ITGA11: variants seen among roughly 807,000 people sequenced by gnomAD.
ITGA11 encodes the protein integrin alpha-11.
Under a neutral mutation model 141.9 loss-of-function variants are expected in ITGA11, and 97 were observed. The ratio of observed to expected loss-of-function variants is 0.68; its 90% CI spans 0.58 to 0.81. The LOEUF (loss-of-function observed/expected upper bound fraction) is 0.81. Among genes scored for constraint, ITGA11 ranks in the 30% least tolerant of loss-of-function variants. ITGA11 has a pLI of 0.00. For missense variants in ITGA11, 1,387 were observed against 1,559.2 expected (o/e 0.89, Z 1.86); for synonymous variants, 658 against 624.6 (o/e 1.05, Z -0.80).
chr15:68,331,174 C>G, intron 14 of ITGA11, 63 bp from the exon 15 acceptor site: 5 of 1,468,324 alleles, frequency 3.4e-6, no homozygotes, highest in East Asian at 2.4e-5. Context: ...CGGGCGTCCC[C>G]GAGCAGCAGG....
At chr15:68,431,039 C>A (rs1017212041) in intron 1 of ITGA11, among the ~76,000 whole-genome samples, 2 of 152,386 alleles carry the variant, frequency 1.3e-5, no homozygotes, top group South Asian at 2.1e-4. Flanking sequence ...CGCCCACACC[C>A]GGCCAGTAAC....
At position 68,318,116 on chromosome 15, in the gene ITGA11, G is replaced by A. The variant is rs530505246; in HGVS notation, c.2617-753C>T. ...TGTTGGGGAGAGAGAGGAGAGGAATGCTGACCTCACAGCCATGAGCGTTTC... is the reference window on the plus strand; with the variant it reads ...TGTTGGGGAGAGAGAGGAGAGGAATACTGACCTCACAGCCATGAGCGTTTC... On this transcript the variant is annotated intron_variant, in intron 20 of 29. Coordinates refer to ENST00000315757, the MANE Select transcript of ITGA11 (RefSeq NM_001004439.2). 1.4e-3 allele frequency among the ~76,000 whole-genome samples: 214 copies of A among 152,282 alleles called. 9 individuals carry two copies. In the South Asian group the frequency reaches 0.037, roughly 26 times the overall value.
In ITGA11 at chr15:68,312,852, A is replaced by G; in HGVS notation, c.2894T>C (p.Leu965Pro). The change falls in exon 24 of 30, where the codon CTG becomes CCG. Residue 965 changes from leucine to proline, a missense_variant. Physicochemically the swap from Leu to Pro is moderately conservative, Grantham distance 98. Transcript: ENST00000315757. ...ADVLFTRSSS[L>P]SHYEVKPNSS... Reference sequence around the variant, plus strand: ...GTTGGGCTTGACCTCGTAGTGGCTCAGGCTGCTGCTCCTGCGGAGACAGAG... The same window carrying G: ...GTTGGGCTTGACCTCGTAGTGGCTCGGGCTGCTGCTCCTGCGGAGACAGAG... The G allele has an allele frequency of 6.2e-7, 1 of 1,613,074 alleles. No homozygotes were observed. Among genetic ancestry groups the G allele is most frequent in the Non-Finnish European group, 8.5e-7 (1 of 1,179,188 alleles).
Position 68,335,776 on chromosome 15 carries a change from T to G in ITGA11, c.1346A>C (p.Asn449Thr). Residue 449 changes from asparagine to threonine, a missense_variant, in exon 12 of 30, where the codon AAC (asparagine) becomes ACC (threonine). By Grantham distance (65) the Asn-to-Thr change is moderately conservative. Coordinates refer to ENST00000315757, the MANE Select transcript of ITGA11 (RefSeq NM_001004439.2). The surrounding 1 kb of genome is among the most constrained non-coding windows in gnomAD (Gnocchi z 4.9). ...RVYVAGAPRF[N>T]HTGKVILFTM... The stretch of plus-strand genomic sequence containing the variant: ...GAACAGGATGACCTTGCCCGTGTGG[T>G]TGAACCGGGGGGCTCCGGCCACGTA... 1.2e-6 allele frequency: 2 copies of G among 1,613,754 alleles called. No homozygotes were observed. Among genetic ancestry groups the G allele is most frequent in the Non-Finnish European group, 1.7e-6 (2 of 1,179,782 alleles).
intron 4 of ITGA11, among the ~76,000 whole-genome samples, chr15:68,364,331 A>C (rs1895346543): frequency 6.6e-6 from 1 of 151,766 alleles, no homozygotes; most frequent in Non-Finnish European, 1.5e-5. Flanking sequence ...CAGAGATTTG[A>C]CCTCCAGCCC....
chr15:68,421,497 T>C (rs1382574780), intron 1 of ITGA11, among the ~76,000 whole-genome samples: 1 of 152,174 alleles, frequency 6.6e-6, no homozygotes, highest in Non-Finnish European at 1.5e-5. Flanking sequence ...GGCAGTCCTC[T>C]GGCTGCTGGG....
chr15:68,311,265 A>G (rs778436376), intron 25 of ITGA11, 25 bp downstream of exon 25: 2 of 1,496,330 alleles, frequency 1.3e-6, no homozygotes, highest in South Asian at 1.2e-5. Context: ...CCCCTCCCCT[A>G]GCCGGCTCCC....
At position 68,302,265 on chromosome 15, in the gene ITGA11, C is replaced by T. The variant is rs942547864; in HGVS notation, c.*794G>A. On this transcript the variant is annotated 3_prime_UTR_variant, in exon 30 of 30. Coordinates refer to ENST00000315757, the MANE Select transcript of ITGA11 (RefSeq NM_001004439.2). ...CAGGGATTGTGTCATCCACATGCTT[C>T]CCATGAGGTACCTGGGAACAAAAGT... is the stretch of plus-strand genomic sequence containing the variant. The T allele has an allele frequency of 6.6e-6, 1 of 152,246 alleles. No individual in the cohort carries two copies. Among genetic ancestry groups the T allele is most frequent in the African/African-American group, 2.4e-5 (1 of 41,434 alleles). 9.4% of individuals were successfully genotyped at this position (152,246 alleles called of 1,614,324 possible). A position where few individuals can be genotyped will look rare whatever the true frequency, so the allele number is the denominator to read the frequency against.
chr15:68,306,738 T>C (rs1228680763), intron 28 of ITGA11, among the ~76,000 whole-genome samples: 1 of 152,188 alleles, frequency 6.6e-6, no homozygotes, highest in Non-Finnish European at 1.5e-5. Context: ...GCCTCTTTGC[T>C]CTCCAGCATC....
At chr15:68,419,519 G>A (rs1595899965) in intron 1 of ITGA11, among the ~76,000 whole-genome samples, 1 of 152,188 alleles carries the variant, frequency 6.6e-6, no homozygotes, top group East Asian at 1.9e-4. Flanking sequence ...CTGTGGATGA[G>A]GAAGGGCCAA....
intron 1 of ITGA11, among the ~76,000 whole-genome samples, chr15:68,424,052 A>C (rs1366306359): frequency 6.6e-6 from 1 of 152,192 alleles, no homozygotes; most frequent in East Asian, 1.9e-4. Flanking sequence ...ATCCTCAGCC[A>C]AATCAATTTA....
At position 68,321,491 on chromosome 15, in the gene ITGA11, T is replaced by C; in HGVS notation, c.2335A>G (p.Asn779Asp). The C allele has an allele frequency of 6.3e-7, 1 of 1,595,098 alleles. No homozygotes were observed. Among genetic ancestry groups the C allele is most frequent in the African/African-American group, 1.4e-5 (1 of 73,130 alleles). Residue 779 changes from asparagine (N) to aspartate (D), a missense_variant, in exon 19 of 30, where the codon AAC (asparagine) becomes GAC (aspartate). Asn to Asp is a conservative substitution (Grantham distance 23). Transcript: ENST00000315757. This position sits in a 1 kb window ranked among gnomAD's most constrained non-coding sequence, Gnocchi z 4.9. ...CAGTGCTCATCCTCATTGCAGCCGT[T>C]CCAGAAGGGCACCTGGGCCAGGGAG... Reference protein sequence around the residue: ...TTLRVSVPFWNGCNEDEHCVP... With the variant: ...TTLRVSVPFWDGCNEDEHCVP...
In ITGA11 at chr15:68,317,323, C is replaced by G. The variant is rs1254759353; in HGVS notation, c.2657G>C (p.Arg886Thr). The change falls in exon 21 of 30, where the codon AGG becomes ACG. Residue 886 changes from arginine (R) to threonine (T), a missense_variant. Transcript: ENST00000315757. ...DGSIECVNEE[R>T]RLQKQVCNVS... ...GTTGCAGACTTGCTTCTGGAGCCTC[C>G]TCTCCTCGTTCACACACTCAATGCT... 2.5e-6 allele frequency: 4 copies of G among 1,613,842 alleles called. No individual in the cohort carries two copies. Among genetic ancestry groups the G allele is most frequent in the Non-Finnish European group, 1.7e-6 (2 of 1,179,856 alleles).
At position 68,335,880 on chromosome 15, in the gene ITGA11, C is replaced by A; in HGVS notation, c.1277-35G>T. 6.2e-7 allele frequency: 1 copy of A among 1,600,214 alleles called. No individual in the cohort carries two copies. The highest frequency in any genetic ancestry group is 8.5e-7 in the Non-Finnish European group (1 of 1,173,126). ...GAGGAAACAGGCTGATCTTTGGCAC[C>A]GTGTCCTCAGCAGGCGTTGCTTGGC... On this transcript the variant is annotated intron_variant, in intron 11 of 29. Transcript: ENST00000315757. The surrounding 1 kb of genome is among the most constrained non-coding windows in gnomAD (Gnocchi z 4.9).
chr15:68,427,665 G>A (rs533777089), intron 1 of ITGA11, among the ~76,000 whole-genome samples: 1 of 152,280 alleles, frequency 6.6e-6, no homozygotes, highest in South Asian at 2.1e-4. Context: ...AGATTTACAA[G>A]ATGACCAGCA....
intron 1 of ITGA11, among the ~76,000 whole-genome samples, chr15:68,422,588 A>G (rs7164150): frequency 1.3e-5 from 2 of 151,698 alleles, no homozygotes; most frequent in Non-Finnish European, 2.9e-5. Flanking sequence ...AGAACATGTC[A>G]CTGCTCTCCC....
At chr15:68,402,333 G>A (rs1896532133) in intron 2 of ITGA11, among the ~76,000 whole-genome samples, 1 of 152,040 alleles carries the variant, frequency 6.6e-6, no homozygotes, top group Admixed American at 6.6e-5. Context: ...TCACAACATG[G>A]TACATTTAAA....
In ITGA11 at chr15:68,361,688, C is replaced by A. The variant is rs1283465792; in HGVS notation, c.374G>T (p.Trp125Leu). ...DNSFLACSPL[W>L]SHECGSSYYT... Reference sequence around the variant, plus strand: ...GTAGGAGCTCCCACACTCATGAGACCAGAGGGGGCTGCAGGCCTGGGGAGG... The same window carrying A: ...GTAGGAGCTCCCACACTCATGAGACAAGAGGGGGCTGCAGGCCTGGGGAGG... The change falls in exon 5 of 30, where the codon TGG becomes TTG. Residue 125 changes from tryptophan to leucine, a missense_variant. Transcript: ENST00000315757. The A allele has an allele frequency of 6.2e-7, 1 of 1,606,716 alleles. No homozygotes were observed.
intron 2 of ITGA11, among the ~76,000 whole-genome samples, chr15:68,373,998 T>C (rs911299274): frequency 4.6e-5 from 7 of 152,200 alleles, no homozygotes; most frequent in Non-Finnish European, 1.0e-4. Context: ...TTTTAGGTAC[T>C]TATAACTTAA....
Sources: allele counts gnomAD v4.1 joint callset (sites outside exome capture counted in the v4.1 genomes callset), GRCh38; gene constraint gnomAD v4.1.1; non-coding constraint Gnocchi (gnomAD v3.1); transcripts MANE v1.5; gene names NCBI Gene and HGNC (gene_info 2026-07-23, HGNC 2026-07-21).